The following XIRP2 variants were observed in gnomAD, a reference collection of about 807,000 sequenced individuals.
XIRP2 encodes the protein xin actin binding repeat containing 2, also known as xin actin-binding repeat-containing protein 2.
A neutral mutation model predicts 277.0 loss-of-function variants in XIRP2; 236 were observed. The ratio of observed to expected loss-of-function variants is 0.85; its 90% CI spans 0.77 to 0.95. XIRP2 has a LOEUF of 0.95. Among genes scored for constraint, XIRP2 ranks in the 40% least tolerant of loss-of-function variants. The pLI is 0.00. For synonymous variants in XIRP2, 1,490 were observed against 1,416.5 expected, an observed-to-expected ratio of 1.05 and a Z score of -1.17; for missense variants, 4,640 against 4,157.5, an observed-to-expected ratio of 1.12 and a Z score of -3.19.
intron 2 of XIRP2, among the ~76,000 whole-genome samples, chr2:167,063,078 T>A (rs1190029874): frequency 3.3e-5 from 5 of 152,010 alleles, no homozygotes; most frequent in African/African-American, 7.2e-5. Flanking sequence ...AAGCCTTTAT[T>A]GCTTTAAATT....
At chr2:167,064,851 G>T (rs567336592) in intron 2 of XIRP2, among the ~76,000 whole-genome samples, 54 of 151,802 alleles carry the variant, frequency 3.6e-4, no homozygotes, top group Non-Finnish European at 6.9e-4. Context: ...TTTTAAGGCT[G>T]AATAATCTTC....
chr2:167,201,258 GAAAGA>G (rs1559018443), intron 3 of XIRP2, among the ~76,000 whole-genome samples: 2 of 86,782 alleles, frequency 2.3e-5, no homozygotes, highest in East Asian at 3.8e-4. Flanking sequence ...AAGAAAGAAA[GAAAGA>G]GAGAGGGAGA....
At chr2:167,168,802 G>A (rs999483816) in intron 3 of XIRP2, among the ~76,000 whole-genome samples, 9 of 152,066 alleles carry the variant, frequency 5.9e-5, no homozygotes, top group Non-Finnish European at 1.2e-4. Flanking sequence ...TTTTAGTAGA[G>A]ATGGGGTTTC....
chr2:167,028,825 C>T (rs111675382), intron 2 of XIRP2, among the ~76,000 whole-genome samples: 21 of 151,122 alleles, frequency 1.4e-4, no homozygotes, highest in African/African-American at 3.4e-4. Flanking sequence ...AAGGTAACAC[C>T]GAGAAGGAAT....
At chr2:167,083,487 A>C (rs1349645082) in intron 2 of XIRP2, among the ~76,000 whole-genome samples, 1 of 152,186 alleles carries the variant, frequency 6.6e-6, no homozygotes, top group African/African-American at 2.4e-5. Flanking sequence ...GAAGAAAGTC[A>C]TTGGTAGCTT....
intron 2 of XIRP2, among the ~76,000 whole-genome samples, chr2:166,910,183 A>G (rs567297162): frequency 8.7e-4 from 132 of 152,172 alleles, no homozygotes; most frequent in Non-Finnish European, 1.5e-3. Context: ...TTTCAGAAGG[A>G]ATGGTACCAG....
At chr2:166,965,751 T>A (rs1346735481) in intron 2 of XIRP2, among the ~76,000 whole-genome samples, 2 of 151,778 alleles carry the variant, frequency 1.3e-5, no homozygotes, top group African/African-American at 4.8e-5. Context: ...GCCAGGCTAA[T>A]CTTTTATTAT....
chr2:166,939,800 T>C (rs1685648043), intron 2 of XIRP2, among the ~76,000 whole-genome samples: 1 of 152,166 alleles, frequency 6.6e-6, no homozygotes, highest in Non-Finnish European at 1.5e-5. Flanking sequence ...CTTGTAGAGT[T>C]TCTGCTGAGA....
rs1695771533 is a variant in XIRP2, at chr2:167,259,248, C to A, written c.*1431C>A. ...AATAATGAAAACACAGGTTTTGATG[C>A]TCTGAGCCATGAATGTACAGCTAAG... On this transcript the variant is annotated 3_prime_UTR_variant, in exon 11 of 11. Transcript: ENST00000409195. The A allele has an allele frequency of 1.2e-6, 2 of 1,613,276 alleles. No individual in the cohort carries two copies. Among genetic ancestry groups the A allele is most frequent in the Non-Finnish European group, 1.7e-6 (2 of 1,179,618 alleles).
intron 2 of XIRP2, among the ~76,000 whole-genome samples, chr2:166,960,184 C>A (rs1686265303): frequency 1.3e-5 from 2 of 151,500 alleles, no homozygotes; most frequent in Non-Finnish European, 3.0e-5. Flanking sequence ...AATATCACAA[C>A]CTTGGAGGAT....
chr2:167,215,360 C>A (rs562760502), intron 4 of XIRP2, among the ~76,000 whole-genome samples: 1 of 152,304 alleles, frequency 6.6e-6, no homozygotes, highest in East Asian at 1.9e-4. Flanking sequence ...GGCCACCACA[C>A]ATATTTTGAA....
At position 167,259,655 on chromosome 2, in the gene XIRP2, G is replaced by C. The variant is rs201219718; in HGVS notation, c.*1838G>C. The C allele has an allele frequency of 2.1e-5, 6 of 281,106 alleles. No individual in the cohort carries two copies. In the Admixed American group the frequency reaches 3.0e-4, roughly 14 times the overall value. 17.4% of individuals were successfully genotyped at this position (281,106 alleles called of 1,614,324 possible). A position where few individuals can be genotyped will look rare whatever the true frequency, so the allele number is the denominator to read the frequency against. ...GTTCTGTTTTCCTGTAAAACATCAT[G>C]GGTGTGATTTTTATACTGCTGCTGC... On this transcript the variant is annotated 3_prime_UTR_variant, in exon 11 of 11. Transcript: ENST00000409195.
intron 2 of XIRP2, among the ~76,000 whole-genome samples, chr2:167,053,362 A>C (rs1022189230): frequency 6.6e-6 from 1 of 152,190 alleles, no homozygotes; most frequent in African/African-American, 2.4e-5. Flanking sequence ...CTTCTTTGAA[A>C]AAAGATAATG....
intron 2 of XIRP2, among the ~76,000 whole-genome samples, chr2:167,113,052 G>A (rs767752862): frequency 1.3e-5 from 2 of 152,016 alleles, no homozygotes; most frequent in African/African-American, 2.4e-5. Context: ...ATGTCCAATT[G>A]TGTGGTTGAT....
At position 167,013,320 on chromosome 2, in the gene XIRP2, A is replaced by G. The variant is rs139984163; in HGVS notation, c.408+109430A>G. Among the ~76,000 whole-genome samples the G allele has an allele frequency of 1.0e-3, 159 of 151,556 alleles. 1 individual carries two copies. The East Asian group carries it at 0.026, about 25-fold the overall frequency. On this transcript the variant is annotated intron_variant, in intron 2 of 10. Transcript: ENST00000409195. Reference sequence around the variant, plus strand: ...CTAAAATTATGGTATATTATTTTTAATGTAGAGCACATAGGAAAAAAACAA... The same window carrying G: ...CTAAAATTATGGTATATTATTTTTAGTGTAGAGCACATAGGAAAAAAACAA...
At position 167,245,316 on chromosome 2, in the gene XIRP2, T is replaced by C; in HGVS notation, c.3924T>C (p.Asp1308=). The change falls in exon 9 of 11, where the codon GAT becomes GAC. Residue 1308 remains aspartate, a synonymous_variant. Transcript: ENST00000409195. Reference sequence around the variant, plus strand: ...TTACTGAAGAAGTAATACAGGGTGATGTAAAAAGCTACAGAATGCTCTTTG... The same window carrying C: ...TTACTGAAGAAGTAATACAGGGTGACGTAAAAAGCTACAGAATGCTCTTTG... ...KTITEEVIQG[D]VKSYRMLFET... The C allele has an allele frequency of 2.5e-6, 4 of 1,613,578 alleles. No homozygotes were observed. Among genetic ancestry groups the C allele is most frequent in the Non-Finnish European group, 3.4e-6 (4 of 1,179,708 alleles).
intron 5 of XIRP2, among the ~76,000 whole-genome samples, chr2:167,231,019 AATT>A (rs556838460): frequency 6.2e-4 from 95 of 152,142 alleles, no homozygotes; most frequent in African/African-American, 2.3e-3. Context: ...TGCAATTACA[AATT>A]ATTACCTTTT....
intron 2 of XIRP2, among the ~76,000 whole-genome samples, chr2:166,939,686 A>C (rs561135051): frequency 6.7e-4 from 85 of 126,912 alleles, no homozygotes; most frequent in African/African-American, 2.3e-3. Flanking sequence ...TCACAAAAAA[A>C]AAAAAAAAAA....
intron 2 of XIRP2, among the ~76,000 whole-genome samples, chr2:166,984,650 C>T (rs893386866): frequency 1.1e-4 from 17 of 151,986 alleles, no homozygotes; most frequent in Admixed American, 6.6e-4. Context: ...TATAAGAATT[C>T]GGAAGGTACT....
Sources: gnomAD v4.1 joint callset for allele counts (sites outside exome capture counted in the v4.1 genomes callset) on GRCh38, gnomAD v4.1.1 for gene constraint, MANE v1.5 for transcripts, NCBI Gene and HGNC (gene_info 2026-07-23, HGNC 2026-07-21) for gene names.